The following FANCD2 variants were observed in gnomAD, a reference collection of about 807,000 sequenced individuals.
The protein encoded by FANCD2 is Fanconi anemia group D2 protein.
FANCD2 carries 131 observed loss-of-function variants against 192.3 expected under a neutral mutation model. The ratio of observed to expected loss-of-function variants is 0.68; its 90% CI spans 0.59 to 0.79. The LOEUF (loss-of-function observed/expected upper bound fraction) is 0.79, where lower values mean the gene tolerates loss of function less well. Ranked by LOEUF, FANCD2 falls within the 30% of genes least tolerant of loss-of-function variation. FANCD2 has a pLI of 0.00. For synonymous variants in FANCD2, 524 were observed against 612.5 expected (o/e 0.86, Z 2.13); for missense variants, 1,508 against 1,701.6 (o/e 0.89, Z 2.00).
intron 8 of FANCD2, 118 bp from the exon 9 acceptor site, chr3:10,039,603 A>G: frequency 8.6e-7 from 1 of 1,158,314 alleles, no homozygotes; most frequent in Non-Finnish European, 1.3e-6. Flanking sequence ...TTTTCAAAGT[A>G]CAGAGATAAA....
At position 10,081,198 on chromosome 3, in the gene FANCD2, C is replaced by A; in HGVS notation, c.3075C>A (p.Asn1025Lys). Reference protein sequence around the residue: ...CVFQLLTPMCNHLENIHNYFQ... With the variant: ...CVFQLLTPMCKHLENIHNYFQ... The stretch of plus-strand genomic sequence containing the variant: ...TTCAACTGCTGACCCCAATGTGTAA[C>A]CACCTGGAGAACATTCACAACTATT... The change falls in exon 31 of 44, where the codon AAC (asparagine) becomes AAA (lysine). Residue 1025 changes from asparagine (N) to lysine (K), a missense_variant. Coordinates refer to ENST00000675286, the MANE Select transcript of FANCD2 (RefSeq NM_001018115.3). 6.2e-7 allele frequency: 1 copy of A among 1,614,176 alleles called. No homozygotes were observed. The highest frequency in any genetic ancestry group is 8.5e-7 in the Non-Finnish European group (1 of 1,180,032).
intron 42 of FANCD2, among the ~76,000 whole-genome samples, 156 bp from the exon 43 acceptor site, chr3:10,098,564 C>T (rs1695116311): frequency 2.0e-5 from 3 of 152,208 alleles, no homozygotes; most frequent in Admixed American, 2.0e-4. Context: ...GAGTATCCCT[C>T]CTCTAGATGC....
Position 10,034,546 on chromosome 3 carries a change from T to C in FANCD2, c.273+10T>C. 6.2e-7 allele frequency: 1 copy of C among 1,605,730 alleles called. No individual in the cohort carries two copies. The highest frequency in any genetic ancestry group is 8.5e-7 in the Non-Finnish European group (1 of 1,172,356). ...CCCTTCCTATCCCAAAGTATGTATT[T>C]TTCCCCTGGTATTTTTGCTTGTGCC... On this transcript the variant is annotated intron_variant, in intron 4 of 43. Transcript: ENST00000675286.
At chr3:10,040,029 C>CTTTCT in intron 9 of FANCD2, 184 bp downstream of exon 9, 1 of 519,156 alleles carries the variant, frequency 1.9e-6, no homozygotes, top group Non-Finnish European at 3.3e-6. Context: ...GATCCACATA[C>CTTTCT]TTTCTTTTTT....
intron 33 of FANCD2, among the ~76,000 whole-genome samples, 155 bp from the exon 34 acceptor site, chr3:10,086,979 T>A (rs1350867982): frequency 6.6e-6 from 1 of 152,180 alleles, no homozygotes; most frequent in African/African-American, 2.4e-5. Flanking sequence ...ACCAAGATGC[T>A]TGAAGAGGGT....
intron 9 of FANCD2, 126 bp from the exon 10 acceptor site, chr3:10,041,497 G>A (rs1460725319): frequency 4.3e-6 from 3 of 704,270 alleles, no homozygotes; most frequent in African/African-American, 1.8e-5. Context: ...TACTATAAAC[G>A]GTAACTTAAT....
At position 10,070,467 on chromosome 3, in the gene FANCD2, C is replaced by T. The variant is rs1294765283; in HGVS notation, c.2495-2404C>T. Among the ~76,000 whole-genome samples the T allele has an allele frequency of 2.9e-3, 64 of 22,342 alleles. 1 individual carries two copies. The highest frequency in any genetic ancestry group is 7.2e-3 in the African/African-American group (62 of 8,628). The allele number at this position is 22,342 out of a possible 152,430, so 14.7% of individuals were successfully genotyped here. On this transcript the variant is annotated intron_variant, in intron 26 of 43. Transcript: ENST00000675286. ...CGCCCCTACTGGGAAGTGAGGAGCT[C>T]CTCTGCCGGGCCAGCCTCCCGGTCC... is the stretch of plus-strand genomic sequence containing the variant.
intron 30 of FANCD2, among the ~76,000 whole-genome samples, chr3:10,079,669 T>A (rs1693724793): frequency 6.6e-6 from 1 of 152,114 alleles, no homozygotes; most frequent in Non-Finnish European, 1.5e-5. Context: ...TGAATCCTGT[T>A]CTTTACTTGA....
intron 34 of FANCD2, 134 bp downstream of exon 34, chr3:10,087,398 A>G (rs1694283044): frequency 1.2e-6 from 1 of 817,494 alleles, no homozygotes; most frequent in South Asian, 1.7e-5. Flanking sequence ...CCCTCTTGCT[A>G]TACCAAGAAG....
chr3:10,035,274 G>C (rs1426437723), intron 6 of FANCD2, 41 bp downstream of exon 6: 2 of 1,543,926 alleles, frequency 1.3e-6, no homozygotes, highest in Non-Finnish European at 1.8e-6. Flanking sequence ...GATGGAAGAG[G>C]TTTGTGGTGT....
intron 17 of FANCD2, among the ~76,000 whole-genome samples, chr3:10,051,453 A>G (rs1216892906): frequency 0.014 from 1 of 72 alleles, no homozygotes; most frequent in African/African-American, 0.045. Context: ...ACACTGAAAA[A>G]GTTGAAGATG....
chr3:10,069,689 C>G (rs1234877972), intron 26 of FANCD2, among the ~76,000 whole-genome samples: 3 of 152,114 alleles, frequency 2.0e-5, no homozygotes, highest in Admixed American at 1.3e-4. Flanking sequence ...GTCTCCAGCT[C>G]CTAACCGCGA....
At chr3:10,070,113 G>A (rs1208640280) in intron 26 of FANCD2, among the ~76,000 whole-genome samples, 35 of 118,346 alleles carry the variant, frequency 3.0e-4, no homozygotes, top group African/African-American at 1.1e-3. Context: ...GCCCGGCCGC[G>A]ACCCCGTCTG....
At chr3:10,096,790 C>G (rs1418052521) in intron 42 of FANCD2, among the ~76,000 whole-genome samples, 4 of 152,182 alleles carry the variant, frequency 2.6e-5, no homozygotes, top group Non-Finnish European at 4.4e-5. Context: ...AGGGTAGATT[C>G]ATAATAACAT....
intron 3 of FANCD2, 45 bp from the exon 4 acceptor site, chr3:10,034,424 A>AG (rs1244728721): frequency 5.0e-6 from 7 of 1,413,732 alleles, no homozygotes; most frequent in Non-Finnish European, 6.0e-6. Flanking sequence ...GAGAAGGAAA[A>AG]CTATGGTAGG....
rs747078545 is a variant in FANCD2, at chr3:10,085,930, A to C, written c.3335+8A>C. 2 of 1,567,146 alleles carry C rather than the reference A, an allele frequency of 1.3e-6. No homozygotes were observed. ...TTTGGAGGAACTACTCAGGTGAGTC[A>C]TAACTACATAGCCAAGATTGTTGTC... On this transcript the variant is annotated splice_region_variant and intron_variant, in intron 33 of 43. Coordinates refer to ENST00000675286, the MANE Select transcript of FANCD2 (RefSeq NM_001018115.3).
intron 34 of FANCD2, 143 bp from the exon 35 acceptor site, chr3:10,088,306 T>G (rs574027581): frequency 4.0e-5 from 28 of 701,564 alleles, no homozygotes; most frequent in Non-Finnish European, 7.0e-5. Flanking sequence ...GACAGCTTTT[T>G]GTAAGTTGCC....
In FANCD2 at chr3:10,074,645, T is replaced by A; in HGVS notation, c.2831T>A (p.Phe944Tyr). 2 of 1,613,854 alleles carry A rather than the reference T, an allele frequency of 1.2e-6. No individual in the cohort carries two copies. The highest frequency in any genetic ancestry group is 2.2e-5 in the East Asian group (1 of 44,836). ...CTACATTGTGGACTTGTGACGAAGT[T>A]CATCTTAGATACTGAAATGCACACT... ...SILHCGLVTK[F>Y]ILDTEMHTEA... The change falls in exon 29 of 44, where the codon TTC (phenylalanine) becomes TAC (tyrosine). Residue 944 changes from phenylalanine (F) to tyrosine (Y), a missense_variant. Coordinates refer to ENST00000675286, the MANE Select transcript of FANCD2 (RefSeq NM_001018115.3).
At chr3:10,043,730 C>T (rs1322587427) in intron 13 of FANCD2, 99 bp from the exon 14 acceptor site, 6 of 1,274,756 alleles carry the variant, frequency 4.7e-6, no homozygotes, top group South Asian at 1.2e-5. Flanking sequence ...CAGATGGACA[C>T]ATTGGCTCTT....
Sources: allele counts gnomAD v4.1 joint callset (sites outside exome capture counted in the v4.1 genomes callset), GRCh38; gene constraint gnomAD v4.1.1; transcripts MANE v1.5; gene names NCBI Gene and HGNC (gene_info 2026-07-23, HGNC 2026-07-21).